The following ABL1 variants were observed in gnomAD, a reference collection of about 807,000 sequenced individuals.
ABL1 encodes the protein ABL proto-oncogene 1, non-receptor tyrosine kinase, also known as tyrosine-protein kinase ABL1.
ABL1 carries 11 observed loss-of-function variants against 94.7 expected under a neutral mutation model. That is an observed-to-expected ratio of 0.12 (90% CI 0.07 to 0.19). The LOEUF is 0.19. Ranked by LOEUF, ABL1 falls within the 10% of genes least tolerant of loss-of-function variation. The pLI, the probability that ABL1 is intolerant of heterozygous loss-of-function variation, is 1.00. For synonymous variants in ABL1, 656 were observed against 622.4 expected, an observed-to-expected ratio of 1.05 and a Z score of -0.80; for missense variants, 1,082 against 1,489.4, an observed-to-expected ratio of 0.73 and a Z score of 4.50.
At chr9:130,785,479 G>C (rs1047469757) in intron 1 of ABL1, among the ~76,000 whole-genome samples, 4 of 152,094 alleles carry the variant, frequency 2.6e-5, no homozygotes, top group African/African-American at 9.7e-5. Flanking sequence ...TTTGGGGTTG[G>C]GGGAGGCTCT....
intron 1 of ABL1, among the ~76,000 whole-genome samples, chr9:130,732,865 T>G (rs1297046518): frequency 6.6e-6 from 1 of 152,172 alleles, no homozygotes; most frequent in African/African-American, 2.4e-5. Flanking sequence ...GTACTGAATT[T>G]CTGCCAGGAG....
rs1830987891 is a variant in ABL1, at chr9:130,857,178, G to C, written c.549+2082G>C. 3.9e-5 allele frequency among the ~76,000 whole-genome samples: 6 copies of C among 152,158 alleles called. No homozygotes were observed. In the South Asian group the frequency reaches 1.2e-3, roughly 31 times the overall value. On this transcript the variant is annotated intron_variant, in intron 3 of 10. Transcript: ENST00000318560. Reference sequence around the variant, plus strand: ...CCATGGCCTGGTTTGAAAATGCGTTGCACGTGCTTCTTTATGTGGGTGTAA... The same window carrying C: ...CCATGGCCTGGTTTGAAAATGCGTTCCACGTGCTTCTTTATGTGGGTGTAA...
intron 1 of ABL1, among the ~76,000 whole-genome samples, chr9:130,840,203 C>T (rs3847190): frequency 0.25 from 38,584 of 152,122 alleles, 6,730 homozygotes; most frequent in African/African-American, 0.5. Flanking sequence ...GTTTTTCTTG[C>T]TAATAAAGCA....
At chr9:130,726,564 C>A (rs989609997) in intron 1 of ABL1, among the ~76,000 whole-genome samples, 32 of 151,798 alleles carry the variant, frequency 2.1e-4, no homozygotes, top group Non-Finnish European at 4.0e-4. Flanking sequence ...TTAATCTTTT[C>A]AAAAAAAATT....
chr9:130,727,489 G>A (rs1205835948), intron 1 of ABL1, among the ~76,000 whole-genome samples: 2 of 151,990 alleles, frequency 1.3e-5, no homozygotes, highest in African/African-American at 2.4e-5. Flanking sequence ...TCCGCCGGGC[G>A]TGGTGGCACA....
chr9:130,779,265 T>C (rs1829721140), intron 1 of ABL1, among the ~76,000 whole-genome samples: 1 of 151,988 alleles, frequency 6.6e-6, no homozygotes, highest in Non-Finnish European at 1.5e-5. Flanking sequence ...TTTGTTAAGA[T>C]GAGTCAAATG....
chr9:130,837,779 A>G (rs748674218), intron 1 of ABL1, among the ~76,000 whole-genome samples: 2 of 152,248 alleles, frequency 1.3e-5, no homozygotes, highest in Non-Finnish European at 2.9e-5. Flanking sequence ...AATAGTTCCT[A>G]ACATCTGGAT....
upstream of ABL1, among the ~76,000 whole-genome samples, chr9:130,830,932 G>A (rs913710278): frequency 2.6e-5 from 4 of 152,110 alleles, no homozygotes; most frequent in South Asian, 2.1e-4. Flanking sequence ...AGTGCTACCC[G>A]ATTGAAAAAA....
intron 1 of ABL1, among the ~76,000 whole-genome samples, chr9:130,728,230 A>ATTTTTTTT (rs55915035): frequency 1.1e-4 from 11 of 102,570 alleles, no homozygotes; most frequent in African/African-American, 2.1e-4. Flanking sequence ...TGTCCAGCTG[A>ATTTTTTTT]TTTTTTTTTT....
At chr9:130,834,011 G>T, upstream of ABL1, 1 of 455,996 alleles carries the variant, frequency 2.2e-6, no homozygotes, top group South Asian at 1.5e-5. Context: ...TCCACTGGTC[G>T]GGAGCCTGAT....
intron 1 of ABL1, among the ~76,000 whole-genome samples, chr9:130,807,532 G>A (rs560465446): frequency 2.6e-5 from 4 of 151,764 alleles, no homozygotes; most frequent in Non-Finnish European, 4.4e-5. Flanking sequence ...AAGCTACCAC[G>A]CCTGGTCTTC....
chr9:130,772,264 T>C (rs950997828), intron 1 of ABL1, among the ~76,000 whole-genome samples: 1 of 152,182 alleles, frequency 6.6e-6, no homozygotes, highest in African/African-American at 2.4e-5. Flanking sequence ...TAGAGAGATA[T>C]CTCCCAAACA....
intron 1 of ABL1, among the ~76,000 whole-genome samples, chr9:130,744,707 A>T (rs1178721816): frequency 1.3e-5 from 2 of 150,708 alleles, no homozygotes; most frequent in Non-Finnish European, 3.0e-5. Context: ...AAAAAAAAAA[A>T]TTAGCCGAGC....
Position 130,884,054 on chromosome 9 carries a change from G to A in ABL1, c.1764G>A (p.Glu588=), listed in dbSNP as rs1170780894. ...GPPEGGLNED[E]RLLPKDKKTN... ...CGGAGGGCGGCCTGAATGAAGATGA[G>A]CGCCTTCTCCCCAAAGACAAAAAGA... The change falls in exon 11 of 11, where the codon GAG becomes GAA. Residue 588 remains glutamate (E), a synonymous_variant. Coordinates refer to ENST00000318560, the MANE Select transcript of ABL1 (RefSeq NM_005157.6). This position sits in a 1 kb window ranked among gnomAD's most constrained non-coding sequence, Gnocchi z 5.6. 2 of 1,613,954 alleles carry A rather than the reference G, an allele frequency of 1.2e-6. No homozygotes were observed.
upstream of ABL1, among the ~76,000 whole-genome samples, chr9:130,831,979 A>G (rs1183540089): frequency 6.6e-6 from 1 of 152,122 alleles, no homozygotes; most frequent in Non-Finnish European, 1.5e-5. Flanking sequence ...CCCATTACAC[A>G]TATTCTGATT....
intron 1 of ABL1, among the ~76,000 whole-genome samples, chr9:130,797,108 C>A (rs1263892204): frequency 6.8e-6 from 1 of 147,078 alleles, no homozygotes; most frequent in Non-Finnish European, 1.5e-5. Flanking sequence ...CGGTGGCAAG[C>A]GCCTGTAATC....
chr9:130,826,764 A>G (rs1436894261), intron 1 of ABL1, among the ~76,000 whole-genome samples: 1 of 152,114 alleles, frequency 6.6e-6, no homozygotes. Flanking sequence ...AACCACCTAC[A>G]GGAGACCAGA....
intron 1 of ABL1, among the ~76,000 whole-genome samples, chr9:130,726,219 G>C (rs1831584086): frequency 1.3e-5 from 2 of 149,506 alleles, no homozygotes. Flanking sequence ...TGAATGTACA[G>C]CTTGATGAAT....
intron 1 of ABL1, among the ~76,000 whole-genome samples, chr9:130,729,208 C>T (rs1424667830): frequency 2.0e-5 from 3 of 152,168 alleles, no homozygotes; most frequent in Non-Finnish European, 4.4e-5. Flanking sequence ...AGTCTCTCCA[C>T]CCTGGATGAA....
Sources: allele counts gnomAD v4.1 joint callset (sites outside exome capture counted in the v4.1 genomes callset), GRCh38; gene constraint gnomAD v4.1.1; non-coding constraint Gnocchi (gnomAD v3.1); transcripts MANE v1.5; gene names NCBI Gene and HGNC (gene_info 2026-07-23, HGNC 2026-07-21).